Variants in ADGRL2 observed in about 807,000 individuals in gnomAD.
ADGRL2 encodes the protein adhesion G protein-coupled receptor L2.
ADGRL2 carries 44 observed loss-of-function variants against 157.4 expected under a neutral mutation model. That is an observed-to-expected ratio of 0.28 (90% CI 0.22 to 0.36). The LOEUF is 0.36. Among genes scored for constraint, ADGRL2 ranks in the 10% least tolerant of loss-of-function variants. ADGRL2 has a pLI of 1.00. For missense variants in ADGRL2, 1,510 were observed against 1,768.9 expected (o/e 0.85, Z 2.63); for synonymous variants, 585 against 624.7 (o/e 0.94, Z 0.95).
At chr1:81,353,132 T>G (rs1663032970) in intron 1 of ADGRL2, among the ~76,000 whole-genome samples, 1 of 152,186 alleles carries the variant, frequency 6.6e-6, no homozygotes, top group African/African-American at 2.4e-5. Flanking sequence ...TAACCTCACT[T>G]TATATCTCAA....
intron 3 of ADGRL2, among the ~76,000 whole-genome samples, chr1:81,642,878 A>T (rs1253041684): frequency 1.3e-5 from 2 of 152,176 alleles, no homozygotes; most frequent in African/African-American, 2.4e-5. Context: ...AAAATTCACC[A>T]CCAATTTGTT....
intron 2 of ADGRL2, among the ~76,000 whole-genome samples, chr1:81,859,998 G>T (rs937021922): frequency 2.0e-5 from 3 of 151,920 alleles, no homozygotes; most frequent in African/African-American, 7.3e-5. Flanking sequence ...GCCGAGGCGG[G>T]CGAATCACAA....
At chr1:81,353,648 T>C (rs1435129193) in intron 1 of ADGRL2, among the ~76,000 whole-genome samples, 1 of 152,068 alleles carries the variant, frequency 6.6e-6, no homozygotes, top group Non-Finnish European at 1.5e-5. Context: ...GAGAAAAAAA[T>C]CTAGACTGAT....
chr1:81,707,710 A>T (rs1167089809), intron 1 of ADGRL2, among the ~76,000 whole-genome samples: 1 of 152,210 alleles, frequency 6.6e-6, no homozygotes, highest in East Asian at 1.9e-4. Context: ...TTCTACCCAA[A>T]CCAATCTGAT....
intron 1 of ADGRL2, chr1:81,427,303 T>C (rs1408213520): frequency 1.4e-5 from 10 of 724,174 alleles, no homozygotes; most frequent in Admixed American, 1.1e-4. Context: ...GAGGCGATGG[T>C]GGCAACTATG....
chr1:81,652,251 T>C (rs1195051741), intron 3 of ADGRL2, among the ~76,000 whole-genome samples: 1 of 152,220 alleles, frequency 6.6e-6, no homozygotes, highest in African/African-American at 2.4e-5. Context: ...GTTTCCCAGC[T>C]GAAAATATTT....
intron 2 of ADGRL2, among the ~76,000 whole-genome samples, chr1:81,839,930 AAT>A (rs374383774): frequency 0.025 from 1,659 of 67,250 alleles, 44 homozygotes; most frequent in African/African-American, 0.098. Flanking sequence ...TATATGATGG[AAT>A]ATATATATAT....
chr1:81,503,850 C>G (rs1355995334), intron 2 of ADGRL2, among the ~76,000 whole-genome samples: 1 of 152,174 alleles, frequency 6.6e-6, no homozygotes, highest in Admixed American at 6.5e-5. Flanking sequence ...ATTTCCCTGC[C>G]CCTGCCTTCT....
chr1:81,555,263 T>C (rs1029452591), intron 2 of ADGRL2, among the ~76,000 whole-genome samples: 4 of 142,460 alleles, frequency 2.8e-5, no homozygotes, highest in Non-Finnish European at 6.0e-5. Context: ...TCTATTTCTT[T>C]TCTTTTTTTT....
intron 11 of ADGRL2, among the ~76,000 whole-genome samples, chr1:81,956,417 A>T (rs969820218): frequency 6.6e-6 from 1 of 152,146 alleles, no homozygotes; most frequent in African/African-American, 2.4e-5. Context: ...GTTCCTAATG[A>T]ATTTAAATTA....
At chr1:81,829,954 A>G (rs1314544322) in intron 1 of ADGRL2, among the ~76,000 whole-genome samples, 2 of 152,150 alleles carry the variant, frequency 1.3e-5, no homozygotes. Flanking sequence ...CTTCATTAAG[A>G]TGACTGATTG....
At chr1:81,413,207 C>T (rs556706138) in intron 1 of ADGRL2, among the ~76,000 whole-genome samples, 2 of 152,230 alleles carry the variant, frequency 1.3e-5, no homozygotes, top group East Asian at 1.9e-4. Context: ...TTCTAGAACC[C>T]CTGCTAGATT....
rs184172671 is a variant in ADGRL2, at chr1:81,572,485, G to T, written c.-247-8391G>T. Reference sequence around the variant, plus strand: ...TAAACAGGCATGGTAAAAATGCACAGTGTCATAAGGTACAAAGCTCATATC... The same window carrying T: ...TAAACAGGCATGGTAAAAATGCACATTGTCATAAGGTACAAAGCTCATATC... On this transcript the variant is annotated intron_variant, in intron 2 of 24. Transcript: ENST00000370721. Among the ~76,000 whole-genome samples, 313 of 152,284 alleles carry T rather than the reference G, an allele frequency of 2.1e-3. 3 individuals are homozygous for T. The highest frequency in any genetic ancestry group is 3.9e-3 in the Non-Finnish European group (267 of 68,002).
chr1:81,713,147 A>C (rs1193794621), intron 1 of ADGRL2, among the ~76,000 whole-genome samples: 1 of 152,206 alleles, frequency 6.6e-6, no homozygotes, highest in Non-Finnish European at 1.5e-5. Flanking sequence ...GGAGACTTCC[A>C]AGGCATTCCA....
At chr1:81,810,872 A>C (rs1298714983) in intron 1 of ADGRL2, among the ~76,000 whole-genome samples, 1 of 151,864 alleles carries the variant, frequency 6.6e-6, no homozygotes, top group African/African-American at 2.4e-5. Context: ...AGACATGTTC[A>C]CTTTTACTAA....
At chr1:81,618,153 A>T (rs1570652109) in intron 3 of ADGRL2, among the ~76,000 whole-genome samples, 1 of 152,188 alleles carries the variant, frequency 6.6e-6, no homozygotes, top group Middle Eastern at 3.4e-3. Flanking sequence ...AAATCGGTAT[A>T]TTAAGTGATT....
At chr1:81,534,934 T>C (rs2079697141) in intron 2 of ADGRL2, among the ~76,000 whole-genome samples, 1 of 152,234 alleles carries the variant, frequency 6.6e-6, no homozygotes, top group African/African-American at 2.4e-5. Flanking sequence ...ATATTGTGAT[T>C]TTTATTTCGA....
intron 3 of ADGRL2, among the ~76,000 whole-genome samples, chr1:81,692,614 AT>A (rs1461980128): frequency 6.6e-6 from 1 of 152,218 alleles, no homozygotes; most frequent in Non-Finnish European, 1.5e-5. Flanking sequence ...TTATACATAA[AT>A]TGCTATAGCA....
chr1:81,896,632 A>C (rs2094394599), intron 2 of ADGRL2, among the ~76,000 whole-genome samples: 1 of 152,164 alleles, frequency 6.6e-6, no homozygotes, highest in African/African-American at 2.4e-5. Context: ...AACAACTTTT[A>C]TGTTCTTGAG....
Sources: gnomAD v4.1 joint callset for allele counts (sites outside exome capture counted in the v4.1 genomes callset) on GRCh38, gnomAD v4.1.1 for gene constraint, MANE v1.5 for transcripts, NCBI Gene and HGNC (gene_info 2026-07-23, HGNC 2026-07-21) for gene names.